GAS7: variants seen among roughly 807,000 people sequenced by gnomAD.
GAS7 encodes the protein growth arrest specific 7.
A neutral mutation model predicts 71.1 loss-of-function variants in GAS7; 28 were observed. That is an observed-to-expected ratio of 0.39 (90% CI 0.29 to 0.54). The LOEUF (loss-of-function observed/expected upper bound fraction) is 0.54, where lower values mean the gene tolerates loss of function less well. GAS7 is among the 20% of genes least tolerant of loss of function. GAS7 has a pLI of 0.62. For synonymous variants in GAS7, 258 were observed against 245.8 expected (o/e 1.05, Z -0.46); for missense variants, 436 against 627.8 (o/e 0.69, Z 3.27).
intron 8 of GAS7, among the ~76,000 whole-genome samples, chr17:9,936,097 A>G (rs1231556736): frequency 6.6e-6 from 1 of 152,170 alleles, no homozygotes; most frequent in Non-Finnish European, 1.5e-5. Context: ...CATCCACAGG[A>G]GGAAAAGGAA....
At chr17:10,028,128 C>A (rs748408940) in intron 1 of GAS7, among the ~76,000 whole-genome samples, 1 of 152,204 alleles carries the variant, frequency 6.6e-6, no homozygotes, top group African/African-American at 2.4e-5. Context: ...TGGTCTCGAT[C>A]TCTTGACCTC....
At chr17:10,195,787 C>G (rs1269773523) in intron 1 of GAS7, among the ~76,000 whole-genome samples, 2 of 152,184 alleles carry the variant, frequency 1.3e-5, no homozygotes, top group Non-Finnish European at 2.9e-5. Flanking sequence ...TCCCAAGCAA[C>G]TCTGCTTGCA....
rs148363624 is a variant in GAS7, at chr17:10,051,791, C to A, written c.184-31894G>T. ...TCCAAGAAAATTTCGTACCCCAGAT[C>A]GATCGCTCAAGCTCCCAAAAATGAG... On this transcript the variant is annotated intron_variant, in intron 1 of 13. Transcript: ENST00000432992. 1.5e-3 allele frequency among the ~76,000 whole-genome samples: 229 copies of A among 152,242 alleles called. 2 individuals are homozygous for A. The highest frequency in any genetic ancestry group is 5.2e-3 in the African/African-American group (214 of 41,526).
rs1362111679 is a variant in GAS7, at chr17:10,026,465, C to T, written c.184-6568G>A. Reference sequence around the variant, plus strand: ...TGATTGGCACTGCTTGAAGGCTCCTCCACAAAGGACTCTCCAGCAAGTTCT... The same window carrying T: ...TGATTGGCACTGCTTGAAGGCTCCTTCACAAAGGACTCTCCAGCAAGTTCT... On this transcript the variant is annotated intron_variant, in intron 1 of 13. Transcript: ENST00000432992. The surrounding 1 kb of genome is among the most constrained non-coding windows in gnomAD (Gnocchi z 4.5). 6.6e-6 allele frequency among the ~76,000 whole-genome samples: 1 copy of T among 152,188 alleles called. No homozygotes were observed. The highest frequency in any genetic ancestry group is 1.5e-5 in the Non-Finnish European group (1 of 68,028).
intron 1 of GAS7, among the ~76,000 whole-genome samples, chr17:10,071,500 C>A (rs1003458510): frequency 6.6e-6 from 1 of 152,106 alleles, no homozygotes; most frequent in Non-Finnish European, 1.5e-5. Flanking sequence ...CGCAGACAGC[C>A]GAGGGCTCAC....
intron 8 of GAS7, among the ~76,000 whole-genome samples, chr17:9,936,368 T>A (rs559508112): frequency 6.6e-6 from 1 of 152,328 alleles, no homozygotes; most frequent in African/African-American, 2.4e-5. Flanking sequence ...TCCACAGAGC[T>A]GTCAGTCTAC....
intron 5 of GAS7, among the ~76,000 whole-genome samples, chr17:9,947,922 C>T (rs968588943): frequency 2.0e-5 from 3 of 151,742 alleles, no homozygotes; most frequent in African/African-American, 7.3e-5. Context: ...TCCTGCTTCG[C>T]CCATTCAATG....
At chr17:10,135,465 A>C (rs1597811973) in intron 1 of GAS7, among the ~76,000 whole-genome samples, 1 of 152,244 alleles carries the variant, frequency 6.6e-6, no homozygotes, top group Non-Finnish European at 1.5e-5. Context: ...TCTTCACCAG[A>C]AAGTCCAGGG....
intron 2 of GAS7, among the ~76,000 whole-genome samples, chr17:9,994,746 T>C (rs946102309): frequency 6.6e-6 from 1 of 150,942 alleles, no homozygotes; most frequent in Non-Finnish European, 1.5e-5. Flanking sequence ...ACAGGCAACC[T>C]ACAAAATGGG....
chr17:9,969,604 T>C lies in GAS7; in HGVS notation c.471+73A>G. The stretch of plus-strand genomic sequence containing the variant: ...GCTGCAGCCACCTGGACTCCCATGA[T>C]GGACTTTGTAATGCAGTTTCCTAGG... On this transcript the variant is annotated intron_variant, in intron 4 of 13. Coordinates refer to ENST00000432992, the MANE Select transcript of GAS7 (RefSeq NM_201433.2). The surrounding 1 kb of genome is among the most constrained non-coding windows in gnomAD (Gnocchi z 5.5). 4.4e-6 allele frequency: 4 copies of C among 911,860 alleles called. No homozygotes were observed. The highest frequency in any genetic ancestry group is 7.3e-6 in the Non-Finnish European group (4 of 548,452). 56.5% of individuals were successfully genotyped at this position (911,860 alleles called of 1,614,324 possible). A position where few individuals can be genotyped will look rare whatever the true frequency, so the allele number is the denominator to read the frequency against.
At chr17:10,070,100 A>G (rs777615964) in intron 1 of GAS7, among the ~76,000 whole-genome samples, 6 of 152,116 alleles carry the variant, frequency 3.9e-5, no homozygotes, top group Non-Finnish European at 7.4e-5. Context: ...ATGCTATACT[A>G]GACCATAGGC....
chr17:10,166,011 C>CTTTTTCT (rs1555539149), intron 1 of GAS7, among the ~76,000 whole-genome samples: 3 of 143,170 alleles, frequency 2.1e-5, no homozygotes, highest in Non-Finnish European at 4.6e-5. Flanking sequence ...TTTTCTTTTT[C>CTTTTTCT]TTTTTTTTTT....
chr17:10,058,805 G>A (rs2073183004), intron 1 of GAS7, among the ~76,000 whole-genome samples: 1 of 152,210 alleles, frequency 6.6e-6, no homozygotes, highest in African/African-American at 2.4e-5. Flanking sequence ...ACATCTTGAG[G>A]TTAGGTGGGG....
chr17:9,969,730 G>A lies in GAS7; in HGVS notation c.418C>T (p.His140Tyr), dbSNP rs759208116. The change falls in exon 4 of 14, where the codon CAC becomes TAC. Residue 140 changes from histidine (H) to tyrosine (Y), a missense_variant. Transcript: ENST00000432992. The surrounding 1 kb of genome is among the most constrained non-coding windows in gnomAD (Gnocchi z 5.5). ...NGYHASGTPA[H>Y]PPETAHMSVR... ...CTCATGTGGGCAGTCTCTGGAGGGTGCGCTGGGGTCCCTGATGCGTGGTAT... is the reference window on the plus strand; with the variant it reads ...CTCATGTGGGCAGTCTCTGGAGGGTACGCTGGGGTCCCTGATGCGTGGTAT... 6 of 1,612,494 alleles carry A rather than the reference G, an allele frequency of 3.7e-6. 1 individual carries two copies. Among genetic ancestry groups the A allele is most frequent in the South Asian group, 3.3e-5 (3 of 91,040 alleles).
chr17:9,947,830 AAAC>A (rs200708666), intron 5 of GAS7, among the ~76,000 whole-genome samples: 21,625 of 129,502 alleles, frequency 0.17, 1,726 homozygotes, highest in African/African-American at 0.19. Context: ...TGAAGGTTAA[AAAC>A]AAAAAAAAAA....
intron 1 of GAS7, among the ~76,000 whole-genome samples, chr17:10,050,730 G>T (rs991175377): frequency 6.6e-6 from 1 of 152,182 alleles, no homozygotes; most frequent in Non-Finnish European, 1.5e-5. Flanking sequence ...AAACATCTGT[G>T]TATACACGAG....
At chr17:9,952,081 C>T (rs1225293037) in intron 5 of GAS7, among the ~76,000 whole-genome samples, 1 of 152,244 alleles carries the variant, frequency 6.6e-6, no homozygotes, top group African/African-American at 2.4e-5. Context: ...CTAAGTACCA[C>T]TCAGTCCCCT....
chr17:10,022,910 A>G (rs1010780451), intron 1 of GAS7, among the ~76,000 whole-genome samples: 1 of 152,186 alleles, frequency 6.6e-6, no homozygotes, highest in Non-Finnish European at 1.5e-5. Flanking sequence ...TTCTGGTGAG[A>G]GGGCTGGGCA....
chr17:10,053,667 G>A (rs962183232), intron 1 of GAS7, among the ~76,000 whole-genome samples: 3 of 152,066 alleles, frequency 2.0e-5, no homozygotes, highest in African/African-American at 4.8e-5. Flanking sequence ...TAGAAAAAAC[G>A]GGACTGAGAT....
Sources: allele counts gnomAD v4.1 joint callset (sites outside exome capture counted in the v4.1 genomes callset), GRCh38; gene constraint gnomAD v4.1.1; non-coding constraint Gnocchi (gnomAD v3.1); transcripts MANE v1.5; gene names NCBI Gene and HGNC (gene_info 2026-07-23, HGNC 2026-07-21).